The following RP1 variants were observed in gnomAD, a reference collection of about 807,000 sequenced individuals.
RP1 encodes oxygen-regulated protein 1.
Under a neutral mutation model 14.8 loss-of-function variants are expected in RP1, and 16 were observed. That is an observed-to-expected ratio of 1.08 (90% CI 0.73 to 1.65). The LOEUF (loss-of-function observed/expected upper bound fraction) is 1.65, where lower values mean the gene tolerates loss of function less well. Ranked by LOEUF, RP1 falls within the 40% of genes most tolerant of loss-of-function variation. The pLI is 0.00. For missense variants in RP1, 2,631 were observed against 2,535.0 expected (o/e 1.04, Z -0.81); for synonymous variants, 876 against 883.6 (o/e 0.99, Z 0.15).
At chr8:54,799,770 A>G (rs1365536754) in intron 24 of RP1, among the ~76,000 whole-genome samples, 3 of 151,968 alleles carry the variant, frequency 2.0e-5, no homozygotes, top group Admixed American at 6.6e-5. Context: ...GAATAATCCA[A>G]ATTTCTACTT....
At position 54,630,491 on chromosome 8, in the gene RP1, G is replaced by A; in HGVS notation, c.*138G>A. 6 of 1,473,056 alleles carry A rather than the reference G, an allele frequency of 4.1e-6. No individual in the cohort carries two copies. Among genetic ancestry groups the A allele is most frequent in the Non-Finnish European group, 5.4e-6 (6 of 1,117,590 alleles). The allele number at this position is 1,473,056 out of a possible 1,614,324, so 91.2% of individuals were successfully genotyped here. ...AACTTACTCTAGAAAGCTTACCCTT[G>A]GATAACCAGTTTGACTTTCATAATG... On this transcript the variant is annotated 3_prime_UTR_variant, in exon 4 of 4. Coordinates refer to ENST00000220676, the MANE Select transcript of RP1 (RefSeq NM_006269.2).
intron 3 of RP1, among the ~76,000 whole-genome samples, chr8:54,646,988 A>G (rs1327455986): frequency 5.3e-5 from 8 of 152,208 alleles, no homozygotes; most frequent in Non-Finnish European, 1.2e-4. Context: ...AAGACAGACC[A>G]TCCTTGACTA....
chr8:54,727,776 G>C (rs1024754236), intron 17 of RP1, among the ~76,000 whole-genome samples: 1 of 151,846 alleles, frequency 6.6e-6, no homozygotes, highest in African/African-American at 2.4e-5. Flanking sequence ...TAGGTGAGCT[G>C]TTCAGATAAA....
At chr8:54,846,460 T>C (rs1353779825) in intron 25 of RP1, among the ~76,000 whole-genome samples, 1 of 152,196 alleles carries the variant, frequency 6.6e-6, no homozygotes, top group East Asian at 1.9e-4. Flanking sequence ...CCTATCTTGA[T>C]TGTGGTAGTA....
intron 1 of RP1, among the ~76,000 whole-genome samples, chr8:54,601,143 G>A (rs1166646001): frequency 1.3e-5 from 2 of 152,154 alleles, no homozygotes; most frequent in Non-Finnish European, 2.9e-5. Flanking sequence ...TGACCTACAA[G>A]TAACTTGCAT....
intron 1 of RP1, among the ~76,000 whole-genome samples, chr8:54,593,206 G>T (rs1230152834): frequency 6.6e-6 from 1 of 152,156 alleles, no homozygotes; most frequent in East Asian, 1.9e-4. Flanking sequence ...AAAATTCATT[G>T]ATGACTGACT....
chr8:54,760,729 C>A (rs184318072), intron 22 of RP1, among the ~76,000 whole-genome samples: 10 of 152,222 alleles, frequency 6.6e-5, no homozygotes, highest in African/African-American at 2.2e-4. Context: ...AGTTCTGTTC[C>A]ACTCTGCTTT....
chr8:54,776,138 T>C (rs1012039591), intron 23 of RP1, among the ~76,000 whole-genome samples: 1 of 152,242 alleles, frequency 6.6e-6, no homozygotes, highest in Admixed American at 6.5e-5. Context: ...GAAGATTTAA[T>C]GTATATGGGA....
intron 1 of RP1, among the ~76,000 whole-genome samples, chr8:54,591,402 T>C (rs944597533): frequency 1.3e-5 from 2 of 152,076 alleles, no homozygotes; most frequent in African/African-American, 4.8e-5. Flanking sequence ...TGTCTTCTGT[T>C]TGGAATACAT....
intron 17 of RP1, among the ~76,000 whole-genome samples, chr8:54,730,617 T>G (rs1808771641): frequency 6.6e-6 from 1 of 152,142 alleles, no homozygotes; most frequent in South Asian, 2.1e-4. Context: ...ATCCTTTCAG[T>G]GTAAAACATA....
At chr8:54,586,148 A>G (rs1262517047) in intron 1 of RP1, among the ~76,000 whole-genome samples, 2 of 151,958 alleles carry the variant, frequency 1.3e-5, no homozygotes, top group Non-Finnish European at 2.9e-5. Context: ...TGGGTCTTTG[A>G]TGATGGTGAC....
In RP1 at chr8:54,783,709, AGG is replaced by A. The variant is rs1810247393; in HGVS notation, c.3615_3615+1del. The A allele has an allele frequency of 1.6e-6, 2 of 1,230,130 alleles. No individual in the cohort carries two copies. The highest frequency in any genetic ancestry group is 3.1e-5 in the African/African-American group (2 of 64,344). The allele number at this position is 1,230,130 out of a possible 1,614,324, so 76.2% of individuals were successfully genotyped here. ...AACCCTAACACTGCAGATATATTCA[AGG>A]TAAAAATGATACAGCTATAACTTGT... On this transcript the variant is annotated splice_donor_variant and coding_sequence_variant, in exon 24 of 29. Transcript: ENST00000637698. LOFTEE classifies it high-confidence loss of function.
chr8:54,627,802 A>ATACTGT lies in RP1; in HGVS notation c.3921_3926dup (p.Thr1308_Val1309dup). ...CTAGGAGAGGTCTGTTCACTTACTG[A>ATACTGT]TACTGTGTTTTCTGATAAGGCTTGT... On this transcript the variant is annotated inframe_insertion, in exon 4 of 4. Transcript: ENST00000220676. The ATACTGT allele has an allele frequency of 6.2e-7, 1 of 1,614,178 alleles. No individual in the cohort carries two copies. The highest frequency in any genetic ancestry group is 1.1e-5 in the South Asian group (1 of 91,084).
chr8:54,627,119 A>T lies in RP1; in HGVS notation c.3237A>T (p.Pro1079=). The T allele has an allele frequency of 1.2e-6, 2 of 1,614,100 alleles. No homozygotes were observed. The highest frequency in any genetic ancestry group is 1.7e-6 in the Non-Finnish European group (2 of 1,179,976). Residue 1079 remains proline (P), a synonymous_variant, in exon 4 of 4, where the codon CCA becomes CCT. Coordinates refer to ENST00000220676, the MANE Select transcript of RP1 (RefSeq NM_006269.2). Reference sequence around the variant, plus strand: ...TAGATCCTATAGAAGAGGAAACTCCAAAAGACCTCTTACCAGTCCTGATGC... The same window carrying T: ...TAGATCCTATAGAAGAGGAAACTCCTAAAGACCTCTTACCAGTCCTGATGC... ...IQVDPIEEET[P]KDLLPVLMLH...
intron 7 of RP1, among the ~76,000 whole-genome samples, chr8:54,671,983 G>T (rs1267914886): frequency 6.6e-6 from 1 of 152,150 alleles, no homozygotes; most frequent in Non-Finnish European, 1.5e-5. Flanking sequence ...GGGAAAACTT[G>T]CATTGGTCAG....
chr8:54,825,032 C>G (rs910362847), intron 24 of RP1, among the ~76,000 whole-genome samples: 5 of 151,746 alleles, frequency 3.3e-5, no homozygotes, highest in Non-Finnish European at 7.4e-5. Flanking sequence ...TGCAGTGGCG[C>G]GATCTCCGCT....
chr8:54,701,122 T>C (rs536501479), intron 13 of RP1, among the ~76,000 whole-genome samples: 24 of 152,286 alleles, frequency 1.6e-4, no homozygotes, highest in South Asian at 4.1e-4. Context: ...AGGAATGAGA[T>C]AAAATTTCTA....
At chr8:54,579,115 G>A (rs1490127150) in intron 1 of RP1, among the ~76,000 whole-genome samples, 1 of 152,138 alleles carries the variant, frequency 6.6e-6, no homozygotes, top group Non-Finnish European at 1.5e-5. Context: ...CAAAAGCTGC[G>A]CTGGTGTGTT....
chr8:54,626,930 T>C lies in RP1; in HGVS notation c.3048T>C (p.Tyr1016=), dbSNP rs763034533. The C allele has an allele frequency of 2.1e-5, 34 of 1,613,902 alleles. No homozygotes were observed. Among genetic ancestry groups the C allele is most frequent in the Non-Finnish European group, 2.9e-5 (34 of 1,179,992 alleles). The stretch of plus-strand genomic sequence containing the variant: ...AGGTTGGATCTCTGAATGATGCTTA[T>C]TTGGTTCCCCTGCATGAACACTGTA... ...ETQVGSLNDA[Y]LVPLHEHCTL... Residue 1016 remains tyrosine, a synonymous_variant, in exon 4 of 4, where the codon TAT becomes TAC. Transcript: ENST00000220676.
Sources: gnomAD v4.1 joint callset for allele counts (sites outside exome capture counted in the v4.1 genomes callset) on GRCh38, gnomAD v4.1.1 for gene constraint, MANE v1.5 for transcripts, NCBI Gene and HGNC (gene_info 2026-07-23, HGNC 2026-07-21) for gene names.